Variants in HDAC11 observed in about 807,000 individuals in gnomAD.
HDAC11 encodes histone deacetylase 11.
HDAC11 carries 23 observed loss-of-function variants against 41.1 expected under a neutral mutation model. That is an observed-to-expected ratio of 0.56 (90% CI 0.40 to 0.79). The LOEUF (loss-of-function observed/expected upper bound fraction) is 0.79, where lower values mean the gene tolerates loss of function less well. HDAC11 is among the 30% of genes least tolerant of loss of function. The pLI is 0.00. For missense variants in HDAC11, 402 were observed against 477.3 expected (o/e 0.84, Z 1.47); for synonymous variants, 187 against 186.6 (o/e 1.00, Z -0.02).
Position 13,481,242 on chromosome 3 carries a change from G to GTAGGC in HDAC11, c.3-1_6dup. 6.2e-7 allele frequency: 1 copy of GTAGGC among 1,611,624 alleles called. No individual in the cohort carries two copies. Among genetic ancestry groups the GTAGGC allele is most frequent in the African/African-American group, 1.3e-5 (1 of 74,948 alleles). ...CTGTGCGTCTGTCTTTTTCCACACGGTAGGCTACACACAACCCAGCTGTAC... is the reference window on the plus strand; with the variant it reads ...CTGTGCGTCTGTCTTTTTCCACACGGTAGGCTAGGCTACACACAACCCAGCTGTAC... On this transcript the variant is annotated splice_region_variant and splice_polypyrimidine_tract_variant and intron_variant, in intron 1 of 9. Coordinates refer to ENST00000295757, the MANE Select transcript of HDAC11 (RefSeq NM_024827.4).
At chr3:13,483,361 G>T in intron 2 of HDAC11, 103 bp from the exon 3 acceptor site, 1 of 928,568 alleles carries the variant, frequency 1.1e-6, no homozygotes, top group African/African-American at 1.6e-5. Flanking sequence ...TACCCCTGGG[G>T]CAGGGGCTGC....
chr3:13,486,297 A>C (rs75687998), intron 3 of HDAC11, among the ~76,000 whole-genome samples: 2 of 147,072 alleles, frequency 1.4e-5, no homozygotes, highest in African/African-American at 5.0e-5. Flanking sequence ...AAAGAAAAAG[A>C]TGAAGAAGTA....
intron 3 of HDAC11, among the ~76,000 whole-genome samples, chr3:13,486,817 A>C (rs1409780737): frequency 6.6e-6 from 1 of 151,994 alleles, no homozygotes; most frequent in Non-Finnish European, 1.5e-5. Flanking sequence ...GACCTCAAGC[A>C]ATCCATCTGC....
chr3:13,489,155 A>G (rs1381905307), intron 3 of HDAC11, among the ~76,000 whole-genome samples: 1 of 151,996 alleles, frequency 6.6e-6, no homozygotes, highest in South Asian at 2.1e-4. Context: ...ATATTATTTA[A>G]TTTGTAAATA....
rs1043961047 is a variant in HDAC11, at chr3:13,502,566, C to G, written c.553-318C>G. 3.2e-6 allele frequency: 1 copy of G among 309,054 alleles called. No individual in the cohort carries two copies. Among genetic ancestry groups the G allele is most frequent in the African/African-American group, 2.1e-5 (1 of 46,882 alleles). The allele number at this position is 309,054 out of a possible 1,614,324, so 19.1% of individuals were successfully genotyped here. ...CTGAGCCAGGTCACATGTGGACAGT[C>G]CTTTACAGTTTGCTTTTCACATCCC... On this transcript the variant is annotated intron_variant, in intron 7 of 9. Transcript: ENST00000295757. The surrounding 1 kb of genome is among the most constrained non-coding windows in gnomAD (Gnocchi z 4.1).
chr3:13,499,050 C>T (rs1313949358), intron 5 of HDAC11, among the ~76,000 whole-genome samples: 1 of 152,188 alleles, frequency 6.6e-6, no homozygotes, highest in Non-Finnish European at 1.5e-5. Flanking sequence ...CTCCCCAGCC[C>T]CCTTGAATCT....
chr3:13,497,368 G>C (rs1036632626), intron 4 of HDAC11, among the ~76,000 whole-genome samples: 17 of 151,834 alleles, frequency 1.1e-4, no homozygotes, highest in Non-Finnish European at 2.4e-4. Context: ...TAGTAGAGAC[G>C]GGGTTTTACC....
chr3:13,483,447 T>C lies in HDAC11; in HGVS notation c.152-17T>C. ...TGAGGTCAGTGGGGAAGCAGGATGCTCCCTCTGTGGTTTCAGAAGAGAAGC... is the reference window on the plus strand; with the variant it reads ...TGAGGTCAGTGGGGAAGCAGGATGCCCCCTCTGTGGTTTCAGAAGAGAAGC... On this transcript the variant is annotated splice_polypyrimidine_tract_variant and intron_variant, in intron 2 of 9. Coordinates refer to ENST00000295757, the MANE Select transcript of HDAC11 (RefSeq NM_024827.4). 1 of 1,610,376 alleles carries C rather than the reference T, an allele frequency of 6.2e-7. No individual in the cohort carries two copies. The highest frequency in any genetic ancestry group is 8.5e-7 in the Non-Finnish European group (1 of 1,176,820).
Position 13,502,059 on chromosome 3 carries a change from C to A in HDAC11, c.552+126C>A, listed in dbSNP as rs543768338. ...CTCACGGCTTCTGTCTTCTGTCTCTCGGGCTACAAATGCAGGGTCTGTCTT... is the reference window on the plus strand; with the variant it reads ...CTCACGGCTTCTGTCTTCTGTCTCTAGGGCTACAAATGCAGGGTCTGTCTT... On this transcript the variant is annotated intron_variant, in intron 7 of 9. Coordinates refer to ENST00000295757, the MANE Select transcript of HDAC11 (RefSeq NM_024827.4). This position sits in a 1 kb window ranked among gnomAD's most constrained non-coding sequence, Gnocchi z 4.1. 27 of 753,614 alleles carry A rather than the reference C, an allele frequency of 3.6e-5. No individual in the cohort carries two copies. The highest frequency in any genetic ancestry group is 5.4e-5 in the Non-Finnish European group (24 of 446,416). The allele number at this position is 753,614 out of a possible 1,614,324, so 46.7% of individuals were successfully genotyped here. A position where few individuals can be genotyped will look rare whatever the true frequency, so the allele number is the denominator to read the frequency against.
chr3:13,486,571 G>GTTTTTTTTTTTTTT lies in HDAC11; in HGVS notation c.252+3018_252+3031dup, dbSNP rs767002835. Among the ~76,000 whole-genome samples, 48 of 83,062 alleles carry GTTTTTTTTTTTTTT rather than the reference G, an allele frequency of 5.8e-4. 1 individual carries two copies. The highest frequency in any genetic ancestry group is 2.2e-3 in the African/African-American group (47 of 21,048). The allele number at this position is 83,062 out of a possible 152,430, so 54.5% of individuals were successfully genotyped here. A position where few individuals can be genotyped will look rare whatever the true frequency, so the allele number is the denominator to read the frequency against. ...GAGCAGGTGATACTCATGTAGAGGTGTTTTTTTTTTTTTTTTTTTTTTTTG... is the reference window on the plus strand; with the variant it reads ...GAGCAGGTGATACTCATGTAGAGGTGTTTTTTTTTTTTTTTTTTTTTTTTTTTTTTTTTTTTTTG... On this transcript the variant is annotated intron_variant, in intron 3 of 9. Transcript: ENST00000295757.
chr3:13,499,610 CAGGGG>C (rs923453988), intron 5 of HDAC11, among the ~76,000 whole-genome samples: 4 of 152,228 alleles, frequency 2.6e-5, no homozygotes, highest in African/African-American at 9.6e-5. Context: ...CTGAACTCTG[CAGGGG>C]AGAGTCCACC....
At chr3:13,493,149 G>A (rs1329628099) in intron 3 of HDAC11, among the ~76,000 whole-genome samples, 2 of 152,308 alleles carry the variant, frequency 1.3e-5, no homozygotes, top group East Asian at 3.9e-4. Context: ...GTATCTGTCA[G>A]CAGTGCAGCA....
At chr3:13,490,456 G>A (rs190537225) in intron 3 of HDAC11, among the ~76,000 whole-genome samples, 2,053 of 152,074 alleles carry the variant, frequency 0.013, 100 homozygotes, top group Admixed American at 0.1. Context: ...AACAATATTC[G>A]GTCTTTCAAT....
chr3:13,494,480 AC>A (rs2125006652), intron 3 of HDAC11, among the ~76,000 whole-genome samples: 1 of 152,340 alleles, frequency 6.6e-6, no homozygotes, highest in African/African-American at 2.4e-5. Context: ...ACACATGTAT[AC>A]ACAAGACACA....
At position 13,502,968 on chromosome 3, in the gene HDAC11, C is replaced by T. The variant is rs1341617436; in HGVS notation, c.637C>T (p.Arg213Cys). ...VYNRHIYPGD[R>C]FAKQAIRRKV... ...CAACCGCCACATCTACCCAGGGGAC[C>T]GCTTTGCCAAGCGTAAGCTGCTGCC... The change falls in exon 8 of 10, where the codon CGC (arginine) becomes TGC (cysteine). Residue 213 changes from arginine (R) to cysteine (C), a missense_variant. Transcript: ENST00000295757. This position sits in a 1 kb window ranked among gnomAD's most constrained non-coding sequence, Gnocchi z 4.1. 21 of 1,613,236 alleles carry T rather than the reference C, an allele frequency of 1.3e-5. No homozygotes were observed. Among genetic ancestry groups the T allele is most frequent in the East Asian group, 1.1e-4 (5 of 44,862 alleles).
chr3:13,488,301 T>C (rs1223876198), intron 3 of HDAC11, among the ~76,000 whole-genome samples: 3 of 152,206 alleles, frequency 2.0e-5, no homozygotes, highest in Non-Finnish European at 4.4e-5. Context: ...CATTAACCAC[T>C]TTAAACTGTA....
At chr3:13,495,278 C>T (rs1702044670) in intron 3 of HDAC11, among the ~76,000 whole-genome samples, 1 of 152,108 alleles carries the variant, frequency 6.6e-6, no homozygotes, top group Non-Finnish European at 1.5e-5. Context: ...GCAGTCCCAA[C>T]CCAGCCCTTC....
rs140627816 is a variant in HDAC11 at position 13,500,768 on chromosome 3, G to A, written c.468G>A (p.Ala156=). Reference sequence around the variant, plus strand: ...GTGGCGGGGGCTTCTGTGCCTATGCGGACATCACGCTCGCCATCAAGGTGT... The same window carrying A: ...GTGGCGGGGGCTTCTGTGCCTATGCAGACATCACGCTCGCCATCAAGGTGT... ...SDRGGGFCAY[A]DITLAIKFLF... is the part of the protein sequence containing the mutation. The change falls in exon 6 of 10, where the codon GCG becomes GCA. Residue 156 remains alanine (A), a synonymous_variant. Transcript: ENST00000295757. The A allele has an allele frequency of 3.2e-5, 51 of 1,580,652 alleles. No homozygotes were observed. Among genetic ancestry groups the A allele is most frequent in the East Asian group, 1.4e-4 (6 of 43,738 alleles).
intron 8 of HDAC11, 68 bp from the exon 9 acceptor site, chr3:13,504,026 C>A: frequency 6.9e-7 from 1 of 1,456,848 alleles, no homozygotes; most frequent in Non-Finnish European, 9.4e-7. Flanking sequence ...TGCCTGGTGT[C>A]CACAGTCTTG....
Sources: gnomAD v4.1 joint callset for allele counts (sites outside exome capture counted in the v4.1 genomes callset) on GRCh38, gnomAD v4.1.1 for gene constraint, Gnocchi (gnomAD v3.1) non-coding constraint, MANE v1.5 for transcripts, NCBI Gene and HGNC (gene_info 2026-07-23, HGNC 2026-07-21) for gene names.